COBL: variants seen among roughly 807,000 people sequenced by gnomAD.
COBL encodes the protein cordon-bleu WH2 repeat protein.
In COBL, 51 loss-of-function variants were observed where a neutral mutation model predicts 98.8. That is an observed-to-expected ratio of 0.52 (90% confidence interval 0.41 to 0.65). COBL has a LOEUF of 0.65. Ranked by LOEUF, COBL falls within the 30% of genes least tolerant of loss-of-function variation. The pLI is 0.00. For synonymous variants in COBL, 634 were observed against 651.7 expected (o/e 0.97, Z 0.41); for missense variants, 1,617 against 1,617.5 (o/e 1.00, Z 0.01).
chr7:51,065,875 T>C (rs760031809), intron 7 of COBL, among the ~76,000 whole-genome samples: 1 of 152,126 alleles, frequency 6.6e-6, no homozygotes, highest in Non-Finnish European at 1.5e-5. Context: ...CTGGTGTCCT[T>C]ATAAGAGAAT....
At chr7:51,216,640 C>T (rs887118105) in intron 2 of COBL, among the ~76,000 whole-genome samples, 2 of 151,946 alleles carry the variant, frequency 1.3e-5, no homozygotes, top group African/African-American at 4.8e-5. Context: ...CAGACTTCAA[C>T]TTTTATTTAT....
chr7:51,059,207 T>A (rs1791077757), intron 7 of COBL, among the ~76,000 whole-genome samples: 1 of 152,252 alleles, frequency 6.6e-6, no homozygotes, highest in Admixed American at 6.5e-5. Context: ...ATAGCTCGTA[T>A]TTATTTCAAT....
chr7:51,225,761 C>A (rs888851151), intron 1 of COBL, among the ~76,000 whole-genome samples: 1 of 152,202 alleles, frequency 6.6e-6, no homozygotes, highest in African/African-American at 2.4e-5. Context: ...AAGCTCCCAG[C>A]TGGGTTTTTA....
intron 7 of COBL, among the ~76,000 whole-genome samples, chr7:51,078,623 A>T (rs1248767629): frequency 6.6e-6 from 1 of 152,250 alleles, no homozygotes; most frequent in Non-Finnish European, 1.5e-5. Flanking sequence ...TAAAACAGTA[A>T]GCATTGACTA....
chr7:51,236,221 A>G (rs556633818), intron 1 of COBL, among the ~76,000 whole-genome samples: 1 of 152,340 alleles, frequency 6.6e-6, no homozygotes, highest in South Asian at 2.1e-4. Flanking sequence ...GGGACAATCT[A>G]AGAAATGGAA....
chr7:51,154,543 G>T (rs1785910907), intron 5 of COBL, among the ~76,000 whole-genome samples: 1 of 152,146 alleles, frequency 6.6e-6, no homozygotes, highest in Non-Finnish European at 1.5e-5. Context: ...TTAAAATGAG[G>T]CTTCTCTTTC....
At chr7:51,138,598 T>C (rs564028290) in intron 5 of COBL, among the ~76,000 whole-genome samples, 2 of 152,332 alleles carry the variant, frequency 1.3e-5, no homozygotes, top group African/African-American at 4.8e-5. Flanking sequence ...CACTGGGACC[T>C]TCCACACTGT....
intron 5 of COBL, among the ~76,000 whole-genome samples, chr7:51,183,812 C>G (rs1022314590): frequency 6.6e-6 from 1 of 152,184 alleles, no homozygotes; most frequent in Admixed American, 6.5e-5. Context: ...TGTGGAAGTA[C>G]CGGAACACCC....
intron 1 of COBL, among the ~76,000 whole-genome samples, chr7:51,302,312 T>A (rs1418032198): frequency 2.0e-5 from 3 of 152,208 alleles, no homozygotes; most frequent in African/African-American, 7.2e-5. Context: ...CTGGGCGCAG[T>A]GGCTCACACC....
chr7:51,048,608 C>T (rs1433740391), intron 7 of COBL, among the ~76,000 whole-genome samples: 1 of 152,114 alleles, frequency 6.6e-6, no homozygotes, highest in East Asian at 1.9e-4. Flanking sequence ...GAATCTTATC[C>T]TAACTGAATG....
In COBL at chr7:51,030,827, C is replaced by T; in HGVS notation, c.1489G>A (p.Asp497Asn). 1.9e-6 allele frequency: 3 copies of T among 1,610,368 alleles called. No individual in the cohort carries two copies. Among genetic ancestry groups the T allele is most frequent in the East Asian group, 2.2e-5 (1 of 44,834 alleles). ...TGGTTCTTACCTTCCAGGTCTTCATCAAGTTCTGCAAGGGTTTTACGGAAC... is the reference window on the plus strand; with the variant it reads ...TGGTTCTTACCTTCCAGGTCTTCATTAAGTTCTGCAAGGGTTTTACGGAAC... ...GEFRKTLAELDEDLEEMEDSY... is the reference protein window; with the variant it reads ...GEFRKTLAELNEDLEEMEDSY... The change falls in exon 9 of 13, where the codon GAT becomes AAT. Residue 497 changes from aspartate (D) to asparagine (N), a missense_variant. Asp to Asn is a conservative substitution (Grantham distance 23). Transcript: ENST00000265136.
intron 5 of COBL, among the ~76,000 whole-genome samples, chr7:51,155,719 G>A (rs1311279979): frequency 6.6e-6 from 1 of 151,890 alleles, no homozygotes; most frequent in Non-Finnish European, 1.5e-5. Flanking sequence ...CACCTATGGG[G>A]TAGTGTGTGT....
At position 51,027,876 on chromosome 7, in the gene COBL, A is replaced by G; in HGVS notation, c.3220T>C (p.Ser1074Pro). 1 of 1,614,246 alleles carries G rather than the reference A, an allele frequency of 6.2e-7. No individual in the cohort carries two copies. Among genetic ancestry groups the G allele is most frequent in the Non-Finnish European group, 8.5e-7 (1 of 1,180,046 alleles). ...LEREEKPSVF[S>P]TDGNETDSIW... The stretch of plus-strand genomic sequence containing the variant: ...CTGTCTGTTTCATTTCCATCTGTAG[A>G]GAACACACTGGGCTTTTCCTCTCTT... The change falls in exon 10 of 13, where the codon TCT becomes CCT. Residue 1074 changes from serine (S) to proline (P), a missense_variant. Ser to Pro is a moderately conservative substitution (Grantham distance 74). Transcript: ENST00000265136.
chr7:51,205,810 C>T (rs1791643524), intron 2 of COBL, among the ~76,000 whole-genome samples: 2 of 152,104 alleles, frequency 1.3e-5, no homozygotes, highest in Admixed American at 6.6e-5. Context: ...TTGACAGCCA[C>T]ATATCCAATT....
chr7:51,025,467 T>C (rs1787458534), intron 11 of COBL, 95 bp from the exon 12 acceptor site: 5 of 1,331,196 alleles, frequency 3.8e-6, no homozygotes, highest in Non-Finnish European at 5.3e-6. Flanking sequence ...CATGAGGAGA[T>C]GAGGATTGGG....
intron 1 of COBL, among the ~76,000 whole-genome samples, chr7:51,274,058 T>C (rs1799050493): frequency 6.6e-6 from 1 of 152,148 alleles, no homozygotes; most frequent in Non-Finnish European, 1.5e-5. Flanking sequence ...TAGCCTCGAA[T>C]ACCACCATGC....
intron 1 of COBL, among the ~76,000 whole-genome samples, chr7:51,311,323 G>A (rs1803017118): frequency 6.6e-6 from 1 of 152,322 alleles, no homozygotes; most frequent in African/African-American, 2.4e-5. Context: ...CCCTGCTGGG[G>A]AAAGCCATCC....
chr7:51,299,232 C>T (rs1402414365), intron 1 of COBL, among the ~76,000 whole-genome samples: 9 of 152,138 alleles, frequency 5.9e-5, no homozygotes, highest in African/African-American at 1.7e-4. Context: ...CTAACGAATG[C>T]GTGAGCCAGC....
At chr7:51,068,662 G>A (rs1229953182) in intron 7 of COBL, among the ~76,000 whole-genome samples, 6 of 152,174 alleles carry the variant, frequency 3.9e-5, no homozygotes, top group Non-Finnish European at 8.8e-5. Flanking sequence ...GTTTCATGGT[G>A]TATACAAGAG....
Sources: allele counts gnomAD v4.1 joint callset (sites outside exome capture counted in the v4.1 genomes callset), GRCh38; gene constraint gnomAD v4.1.1; transcripts MANE v1.5; gene names NCBI Gene and HGNC (gene_info 2026-07-23, HGNC 2026-07-21).